ARHGAP24: variants seen among roughly 807,000 people sequenced by gnomAD.
ARHGAP24 encodes rho GTPase-activating protein 24.
In ARHGAP24, 50 loss-of-function variants were observed where a neutral mutation model predicts 76.4. That is an observed-to-expected ratio of 0.65 (90% CI 0.52 to 0.83). The LOEUF (loss-of-function observed/expected upper bound fraction) is 0.83. ARHGAP24 is among the 40% of genes least tolerant of loss of function. ARHGAP24 has a pLI of 0.00. For synonymous variants in ARHGAP24, 345 were observed against 323.3 expected (o/e 1.07, Z -0.72); for missense variants, 930 against 914.2 (o/e 1.02, Z -0.22).
chr4:85,674,778 A>G (rs1353898176), intron 2 of ARHGAP24, among the ~76,000 whole-genome samples: 2 of 152,236 alleles, frequency 1.3e-5, no homozygotes, highest in African/African-American at 2.4e-5. Flanking sequence ...TGAACTAATT[A>G]TTCACATTCC....
At chr4:85,896,456 T>G (rs540367760) in intron 3 of ARHGAP24, among the ~76,000 whole-genome samples, 204 of 152,340 alleles carry the variant, frequency 1.3e-3, no homozygotes, top group Middle Eastern at 3.4e-3. Flanking sequence ...CTAGCCTCCT[T>G]AAGTCTCTTC....
At chr4:85,923,885 A>G (rs188204097) in intron 4 of ARHGAP24, 115 bp downstream of exon 4, 2 of 1,438,492 alleles carry the variant, frequency 1.4e-6, no homozygotes, top group African/African-American at 2.8e-5. Flanking sequence ...ATGTTAAAAT[A>G]AATTGTAAAT....
chr4:85,743,658 G>A (rs1227202615), intron 3 of ARHGAP24, among the ~76,000 whole-genome samples: 1 of 151,642 alleles, frequency 6.6e-6, no homozygotes, highest in Non-Finnish European at 1.5e-5. Flanking sequence ...CAAAGTAACA[G>A]TTCTCAAATC....
chr4:85,759,919 A>G (rs961962330), intron 3 of ARHGAP24, among the ~76,000 whole-genome samples: 2 of 152,190 alleles, frequency 1.3e-5, no homozygotes, highest in African/African-American at 2.4e-5. Context: ...TCAGTAGTCA[A>G]CTCAGAGATG....
In ARHGAP24 at chr4:85,969,730, T is replaced by C. The variant is rs112459424; in HGVS notation, c.600-2306T>C. ...AGGCTTTGATGCACATGAAATACGG[T>C]GGTTTGTCAGAAAACAAACAAAAAT... On this transcript the variant is annotated intron_variant, in intron 5 of 9. Coordinates refer to ENST00000395184, the MANE Select transcript of ARHGAP24 (RefSeq NM_001025616.3). Among the ~76,000 whole-genome samples, 768 of 152,252 alleles carry C rather than the reference T, an allele frequency of 5.0e-3. 14 individuals are homozygous for C. Among genetic ancestry groups the C allele is most frequent in the African/African-American group, 0.017 (722 of 41,552 alleles).
At chr4:85,762,843 G>A (rs1726782725) in intron 3 of ARHGAP24, among the ~76,000 whole-genome samples, 1 of 152,132 alleles carries the variant, frequency 6.6e-6, no homozygotes, top group Admixed American at 6.6e-5. Context: ...TAGCGTAACT[G>A]TGAAGATCAA....
At chr4:85,984,011 A>T (rs1199279564) in intron 8 of ARHGAP24, among the ~76,000 whole-genome samples, 4 of 152,250 alleles carry the variant, frequency 2.6e-5, no homozygotes, top group Admixed American at 1.3e-4. Flanking sequence ...TGCGAATGCA[A>T]AGATGCATAA....
At chr4:85,660,701 C>T (rs962906768) in intron 2 of ARHGAP24, among the ~76,000 whole-genome samples, 10 of 146,668 alleles carry the variant, frequency 6.8e-5, no homozygotes, top group Non-Finnish European at 1.5e-5. Context: ...GAGGCTGAGG[C>T]AGGAGAATCC....
intron 2 of ARHGAP24, among the ~76,000 whole-genome samples, chr4:85,588,883 T>C (rs555859110): frequency 7.9e-5 from 12 of 152,220 alleles, no homozygotes; most frequent in Non-Finnish European, 1.2e-4. Flanking sequence ...TAAACCACTC[T>C]TTCTGCTCCA....
Position 85,497,869 on chromosome 4 carries a change from T to C in ARHGAP24, c.-21+22310T>C, listed in dbSNP as rs187632576. 2.1e-3 allele frequency among the ~76,000 whole-genome samples: 319 copies of C among 152,252 alleles called. 1 individual carries two copies. Among genetic ancestry groups the C allele is most frequent in the African/African-American group, 7.4e-3 (308 of 41,556 alleles). ...AAAGGAAAAGAAATGCAGCACCATG[T>C]CCCTAACTTTTTAGTTTTACTGTTG... On this transcript the variant is annotated intron_variant, in intron 1 of 9. Coordinates refer to ENST00000395184, the MANE Select transcript of ARHGAP24 (RefSeq NM_001025616.3).
chr4:85,493,794 CT>C (rs1156368756), intron 1 of ARHGAP24, among the ~76,000 whole-genome samples: 1 of 152,160 alleles, frequency 6.6e-6, no homozygotes, highest in Non-Finnish European at 1.5e-5. Flanking sequence ...AACGTATCTC[CT>C]TTTTTCTACA....
chr4:85,627,848 G>T (rs903745348), intron 2 of ARHGAP24, among the ~76,000 whole-genome samples: 1 of 152,192 alleles, frequency 6.6e-6, no homozygotes, highest in African/African-American at 2.4e-5. Flanking sequence ...CAATGAGTGA[G>T]ACTCCGTGGG....
chr4:85,887,921 A>G (rs1009953495), intron 3 of ARHGAP24, among the ~76,000 whole-genome samples: 1 of 152,154 alleles, frequency 6.6e-6, no homozygotes, highest in Non-Finnish European at 1.5e-5. Context: ...CTTACCATTT[A>G]TGTTGTTGAC....
At chr4:85,943,404 C>G (rs554114487) in intron 5 of ARHGAP24, among the ~76,000 whole-genome samples, 1 of 152,136 alleles carries the variant, frequency 6.6e-6, no homozygotes, top group Non-Finnish European at 1.5e-5. Context: ...TAGATGGCAC[C>G]TTTTCACTGT....
Position 85,525,311 on chromosome 4 carries a change from A to G in ARHGAP24, c.-20-45211A>G, listed in dbSNP as rs1578007773. 3.0e-5 allele frequency among the ~76,000 whole-genome samples: 3 copies of G among 99,636 alleles called. No individual in the cohort carries two copies. In the Admixed American group the frequency reaches 3.4e-4, roughly 11 times the overall value. 65.4% of individuals were successfully genotyped at this position (99,636 alleles called of 152,430 possible). On this transcript the variant is annotated intron_variant, in intron 1 of 9. Coordinates refer to ENST00000395184, the MANE Select transcript of ARHGAP24 (RefSeq NM_001025616.3). ...CATTTGTGGCTCCTTTTATGCATTT[A>G]TATCCTTTTCACACCTTTTCTAGCT... is the stretch of plus-strand genomic sequence containing the variant.
At chr4:85,996,502 T>C (rs2589504) in intron 9 of ARHGAP24, among the ~76,000 whole-genome samples, 98,184 of 152,060 alleles carry the variant, frequency 0.65, 31,892 homozygotes, top group South Asian at 0.68. Context: ...GATCCTCAGT[T>C]GGTTGTTAAG....
intron 3 of ARHGAP24, among the ~76,000 whole-genome samples, chr4:85,886,706 T>C (rs1733587885): frequency 6.6e-6 from 1 of 152,164 alleles, no homozygotes; most frequent in African/African-American, 2.4e-5. Context: ...AATGATGTCA[T>C]AAAGCATCTA....
At chr4:85,723,417 T>A (rs1725033877) in intron 3 of ARHGAP24, 1 of 152,222 alleles carries the variant, frequency 6.6e-6, no homozygotes, top group East Asian at 1.9e-4. Flanking sequence ...AAGTAACAGA[T>A]AAAACCTCTT....
intron 3 of ARHGAP24, 92 bp downstream of exon 3, chr4:85,722,064 A>T (rs1724965751): frequency 8.6e-7 from 1 of 1,167,870 alleles, no homozygotes. Flanking sequence ...TTTTTGAATC[A>T]TGACTGAGAA....
Sources: gnomAD v4.1 joint callset for allele counts (sites outside exome capture counted in the v4.1 genomes callset) on GRCh38, gnomAD v4.1.1 for gene constraint, MANE v1.5 for transcripts, NCBI Gene and HGNC (gene_info 2026-07-23, HGNC 2026-07-21) for gene names.